Variants in SIL1 observed in about 807,000 individuals in gnomAD.
SIL1 encodes nucleotide exchange factor SIL1.
A neutral mutation model predicts 49.1 loss-of-function variants in SIL1; 40 were observed. The ratio of observed to expected loss-of-function variants is 0.81; its 90% CI spans 0.63 to 1.06. SIL1 has a LOEUF of 1.06. SIL1 is among the 50% of genes least tolerant of loss of function. SIL1 has a pLI of 0.00. For missense variants in SIL1, 500 were observed against 572.6 expected (o/e 0.87, Z 1.29); for synonymous variants, 253 against 250.8 (o/e 1.01, Z -0.08).
At chr5:139,001,551 C>G (rs144203706) in intron 7 of SIL1, among the ~76,000 whole-genome samples, 4 of 152,306 alleles carry the variant, frequency 2.6e-5, no homozygotes, top group African/African-American at 7.2e-5. Context: ...AAAACACTAT[C>G]TGTGTGTGTA....
At chr5:139,023,074 T>A (rs1768564512) in intron 6 of SIL1, among the ~76,000 whole-genome samples, 1 of 152,200 alleles carries the variant, frequency 6.6e-6, no homozygotes, top group African/African-American at 2.4e-5. Context: ...TAGAGTCAGT[T>A]TATCTACTAT....
intron 3 of SIL1, among the ~76,000 whole-genome samples, chr5:139,071,802 G>A (rs959781835): frequency 6.6e-6 from 1 of 151,846 alleles, no homozygotes; most frequent in African/African-American, 2.4e-5. Flanking sequence ...AAGTAGCTGG[G>A]ATTGCAGGCA....
chr5:139,056,929 A>G (rs1221178983), intron 3 of SIL1, among the ~76,000 whole-genome samples: 3 of 152,074 alleles, frequency 2.0e-5, no homozygotes, highest in African/African-American at 7.2e-5. Context: ...GTGTCTGTGT[A>G]GAAAGAAGTA....
rs1770688467 is a variant in SIL1, at chr5:139,105,674, G to A, written c.244+15361C>T. Among the ~76,000 whole-genome samples, 3 of 152,210 alleles carry A rather than the reference G, an allele frequency of 2.0e-5. No individual in the cohort carries two copies. The South Asian group carries it at 6.2e-4, about 31-fold the overall frequency. On this transcript the variant is annotated intron_variant, in intron 3 of 9. Coordinates refer to ENST00000394817, the MANE Select transcript of SIL1 (RefSeq NM_022464.5). ...ACATTCCCTCCCGGCGGCCTGCTCA[G>A]AGGCAGGCTGTGAGCCGCGACACTG...
chr5:139,171,673 C>T (rs952407784), intron 1 of SIL1, among the ~76,000 whole-genome samples: 4 of 144,880 alleles, frequency 2.8e-5, no homozygotes, highest in South Asian at 2.2e-4. Flanking sequence ...TCCCCCTCTG[C>T]GAGAAACACC....
At chr5:139,046,056 C>T (rs929889728) in intron 4 of SIL1, among the ~76,000 whole-genome samples, 1 of 152,164 alleles carries the variant, frequency 6.6e-6, no homozygotes, top group Non-Finnish European at 1.5e-5. Flanking sequence ...CAGCTGGGCG[C>T]GGTGGCTCAT....
chr5:139,073,232 T>A (rs541248708), intron 3 of SIL1, among the ~76,000 whole-genome samples: 2 of 152,156 alleles, frequency 1.3e-5, no homozygotes, highest in African/African-American at 4.8e-5. Context: ...AAAATCAGCA[T>A]GTCATAGAGA....
intron 3 of SIL1, among the ~76,000 whole-genome samples, chr5:139,078,930 A>T (rs1252490602): frequency 6.6e-6 from 1 of 152,218 alleles, no homozygotes; most frequent in East Asian, 1.9e-4. Context: ...CAATGACAGA[A>T]ATGTTCTATA....
At chr5:139,160,253 G>C (rs1156268495) in intron 1 of SIL1, among the ~76,000 whole-genome samples, 1 of 151,616 alleles carries the variant, frequency 6.6e-6, no homozygotes, top group Admixed American at 6.6e-5. Flanking sequence ...CTAGCCAGAA[G>C]ACAGCTGTGA....
chr5:139,012,046 A>G (rs963876636), intron 7 of SIL1, among the ~76,000 whole-genome samples: 8 of 151,880 alleles, frequency 5.3e-5, no homozygotes, highest in African/African-American at 1.9e-4. Context: ...GAGACATCCT[A>G]TCTTTGGTTT....
At chr5:139,084,892 GCA>G (rs1243293957) in intron 3 of SIL1, among the ~76,000 whole-genome samples, 1 of 152,008 alleles carries the variant, frequency 6.6e-6, no homozygotes, top group East Asian at 1.9e-4. Context: ...ATTAACAAGG[GCA>G]CAGTTTTGAT....
At chr5:139,104,079 G>C (rs1474314450) in intron 3 of SIL1, among the ~76,000 whole-genome samples, 1 of 152,190 alleles carries the variant, frequency 6.6e-6, no homozygotes, top group Non-Finnish European at 1.5e-5. Context: ...AGCCACACCT[G>C]GTCTGGTCCA....
At chr5:138,962,107 G>T (rs1554123031) in intron 7 of SIL1, among the ~76,000 whole-genome samples, 1 of 151,280 alleles carries the variant, frequency 6.6e-6, no homozygotes. Context: ...GAATTTATTG[G>T]TTTCTTTTTT....
intron 5 of SIL1, chr5:139,036,091 A>T (rs1002903049): frequency 2.6e-5 from 4 of 151,858 alleles, no homozygotes; most frequent in African/African-American, 9.7e-5. Flanking sequence ...GTTTGCAAAA[A>T]TTTTCTCCCA....
intron 7 of SIL1, among the ~76,000 whole-genome samples, chr5:139,017,419 T>A (rs1415266995): frequency 6.6e-6 from 1 of 152,178 alleles, no homozygotes; most frequent in African/African-American, 2.4e-5. Context: ...ACATCCTTTT[T>A]TGTACTAGGT....
intron 1 of SIL1, among the ~76,000 whole-genome samples, chr5:139,196,932 G>C (rs116292564): frequency 0.011 from 1,712 of 151,904 alleles, 21 homozygotes; most frequent in African/African-American, 0.039. Flanking sequence ...GAGCAGAAAA[G>C]ACACACACAC....
At chr5:138,949,065 G>A (rs1328563007) in intron 9 of SIL1, among the ~76,000 whole-genome samples, 3 of 152,228 alleles carry the variant, frequency 2.0e-5, no homozygotes. Flanking sequence ...TACAACACAA[G>A]CTCAGGGGAA....
At chr5:139,068,183 C>T (rs1001031239) in intron 3 of SIL1, among the ~76,000 whole-genome samples, 1 of 152,116 alleles carries the variant, frequency 6.6e-6, no homozygotes, top group Non-Finnish European at 1.5e-5. Context: ...GACTAGAGAG[C>T]AAAACTAAAC....
At chr5:138,998,447 C>G (rs187697038) in intron 7 of SIL1, among the ~76,000 whole-genome samples, 1 of 152,188 alleles carries the variant, frequency 6.6e-6, no homozygotes, top group Admixed American at 6.5e-5. Context: ...GGATAATAAG[C>G]GTGAGCCACT....
Sources: allele counts gnomAD v4.1 joint callset (sites outside exome capture counted in the v4.1 genomes callset), GRCh38; gene constraint gnomAD v4.1.1; transcripts MANE v1.5; gene names NCBI Gene and HGNC (gene_info 2026-07-23, HGNC 2026-07-21).